VEGFC: variants seen among roughly 807,000 people sequenced by gnomAD.
The protein encoded by VEGFC is FLT4 ligand DHM.
In VEGFC, 12 loss-of-function variants were observed where a neutral mutation model predicts 46.1. The observed-to-expected ratio is 0.26, with a 90% CI of 0.17 to 0.42. The LOEUF is 0.42. Among genes scored for constraint, VEGFC ranks in the 10% least tolerant of loss-of-function variants. The probability of loss-of-function intolerance (pLI) is 1.00; values close to 1 mark genes in which losing one functional copy is unlikely to be tolerated. For synonymous variants in VEGFC, 232 were observed against 195.5 expected (o/e 1.19, Z -1.56); for missense variants, 488 against 529.4 (o/e 0.92, Z 0.77).
At chr4:176,689,829 C>A (rs1734116849) in intron 4 of VEGFC, among the ~76,000 whole-genome samples, 1 of 152,272 alleles carries the variant, frequency 6.6e-6, no homozygotes, top group African/African-American at 2.4e-5. Flanking sequence ...TTAGCAACAT[C>A]AATAATTGCT....
At chr4:176,763,218 C>T (rs1366813527) in intron 1 of VEGFC, among the ~76,000 whole-genome samples, 2 of 152,168 alleles carry the variant, frequency 1.3e-5, no homozygotes, top group African/African-American at 2.4e-5. Context: ...TCATCTTCAA[C>T]TAATTCCCAA....
intron 1 of VEGFC, among the ~76,000 whole-genome samples, chr4:176,735,984 G>A (rs1053423146): frequency 1.3e-5 from 2 of 151,720 alleles, no homozygotes; most frequent in Admixed American, 6.6e-5. Context: ...AATTGAAATA[G>A]GTGCACCTGT....
At chr4:176,776,149 T>C (rs1397233738) in intron 1 of VEGFC, among the ~76,000 whole-genome samples, 1 of 152,224 alleles carries the variant, frequency 6.6e-6, no homozygotes, top group Non-Finnish European at 1.5e-5. Flanking sequence ...TATTAATTAT[T>C]AAAATCTTGC....
At chr4:176,778,068 C>T (rs990729074) in intron 1 of VEGFC, among the ~76,000 whole-genome samples, 1 of 150,516 alleles carries the variant, frequency 6.6e-6, no homozygotes. Context: ...CTAAAATAAT[C>T]TTTCAAATAC....
chr4:176,748,603 T>C (rs541922922), intron 1 of VEGFC, among the ~76,000 whole-genome samples: 2 of 152,072 alleles, frequency 1.3e-5, no homozygotes, highest in East Asian at 1.9e-4. Flanking sequence ...CATAAGAATA[T>C]AATAGGTATT....
chr4:176,766,018 A>C (rs1444272706), intron 1 of VEGFC, among the ~76,000 whole-genome samples: 1 of 152,232 alleles, frequency 6.6e-6, no homozygotes, highest in East Asian at 1.9e-4. Context: ...AGAAAAAAAA[A>C]GACAATGAAA....
At chr4:176,699,936 G>A (rs1734396903) in intron 4 of VEGFC, among the ~76,000 whole-genome samples, 1 of 152,196 alleles carries the variant, frequency 6.6e-6, no homozygotes, top group African/African-American at 2.4e-5. Flanking sequence ...GTTAGCGTCT[G>A]TTTGTGTTAC....
At chr4:176,738,310 G>A (rs905541209) in intron 1 of VEGFC, among the ~76,000 whole-genome samples, 2 of 151,932 alleles carry the variant, frequency 1.3e-5, no homozygotes, top group Non-Finnish European at 1.5e-5. Context: ...TATACTACAA[G>A]TCAACAGTAA....
chr4:176,689,373 C>A (rs558669651), intron 4 of VEGFC: 1 of 152,246 alleles, frequency 6.6e-6, no homozygotes, highest in East Asian at 1.9e-4. Context: ...AATTTTTCAA[C>A]AGAAAAACAA....
chr4:176,771,946 G>GA (rs1735730222), intron 1 of VEGFC, among the ~76,000 whole-genome samples: 1 of 152,134 alleles, frequency 6.6e-6, no homozygotes, highest in Non-Finnish European at 1.5e-5. Context: ...CTTGTGTGAA[G>GA]AAAAAGAACA....
At chr4:176,729,152 A>G (rs1734920300) in intron 2 of VEGFC, among the ~76,000 whole-genome samples, 1 of 152,232 alleles carries the variant, frequency 6.6e-6, no homozygotes. Context: ...GGTGATTTCA[A>G]ATGAAGCATT....
intron 1 of VEGFC, among the ~76,000 whole-genome samples, chr4:176,763,092 A>G (rs1735557956): frequency 6.6e-6 from 1 of 152,238 alleles, no homozygotes; most frequent in African/African-American, 2.4e-5. Context: ...GGTCTGAAGT[A>G]ACACTATCTG....
At position 176,729,628 on chromosome 4, in the gene VEGFC, C is replaced by T. The variant is rs1181458523; in HGVS notation, c.266G>A (p.Gly89Asp). Residue 89 changes from glycine to aspartate, a missense_variant, in exon 2 of 7, where the codon GGC becomes GAC. Coordinates refer to ENST00000618562, the MANE Select transcript of VEGFC (RefSeq NM_005429.5). ...GGCCTGTTCTCTGTTATGTTGCCAG[C>T]CTCCTTTCCTTAGCTGACACTTGTA... ...KMYKCQLRKG[G>D]WQHNREQANL... 6.2e-7 allele frequency: 1 copy of T among 1,613,824 alleles called. No homozygotes were observed. The highest frequency in any genetic ancestry group is 8.5e-7 in the Non-Finnish European group (1 of 1,179,914).
At chr4:176,754,451 A>G (rs981402491) in intron 1 of VEGFC, among the ~76,000 whole-genome samples, 3 of 151,960 alleles carry the variant, frequency 2.0e-5, no homozygotes, top group African/African-American at 7.2e-5. Flanking sequence ...AGAAGAATAC[A>G]CTTTCTTCCC....
At chr4:176,774,432 C>T (rs538715481) in intron 1 of VEGFC, among the ~76,000 whole-genome samples, 1 of 152,100 alleles carries the variant, frequency 6.6e-6, no homozygotes, top group Non-Finnish European at 1.5e-5. Context: ...CACTTCTGCT[C>T]GTCACTCAGC....
At chr4:176,721,160 T>C (rs201360903) in intron 3 of VEGFC, among the ~76,000 whole-genome samples, 1 of 152,138 alleles carries the variant, frequency 6.6e-6, no homozygotes, top group Non-Finnish European at 1.5e-5. Flanking sequence ...GGGAAAAGCA[T>C]TGACATTTGA....
chr4:176,730,941 T>C (rs1439060841), intron 1 of VEGFC, among the ~76,000 whole-genome samples: 4 of 152,146 alleles, frequency 2.6e-5, no homozygotes, highest in South Asian at 2.1e-4. Flanking sequence ...AAGTCAATTA[T>C]TAATATGAAA....
At chr4:176,784,806 G>C (rs1156561135) in intron 1 of VEGFC, among the ~76,000 whole-genome samples, 1 of 125,078 alleles carries the variant, frequency 8.0e-6, no homozygotes, top group Non-Finnish European at 1.8e-5. Context: ...ACACAAAACA[G>C]ACACAAAGAA....
At chr4:176,701,728 T>TA (rs1405108277) in intron 4 of VEGFC, among the ~76,000 whole-genome samples, 7 of 152,160 alleles carry the variant, frequency 4.6e-5, no homozygotes, top group African/African-American at 1.4e-4. Context: ...ACATATGACT[T>TA]ACGATTTCAA....
Sources: gnomAD v4.1 joint callset for allele counts (sites outside exome capture counted in the v4.1 genomes callset) on GRCh38, gnomAD v4.1.1 for gene constraint, MANE v1.5 for transcripts, NCBI Gene and HGNC (gene_info 2026-07-23, HGNC 2026-07-21) for gene names.